NCK2: variants seen among roughly 807,000 people sequenced by gnomAD.
The protein encoded by NCK2 is NCK adaptor protein 2.
NCK2 carries 16 observed loss-of-function variants against 33.9 expected under a neutral mutation model. The observed-to-expected ratio is 0.47, with a 90% CI of 0.32 to 0.72. The LOEUF is 0.72. Among genes scored for constraint, NCK2 ranks in the 30% least tolerant of loss-of-function variants. The probability of loss-of-function intolerance (pLI) is 0.03; values close to 1 mark genes in which losing one functional copy is unlikely to be tolerated. For missense variants in NCK2, 418 were observed against 537.3 expected, an observed-to-expected ratio of 0.78 and a Z score of 2.19; for synonymous variants, 273 against 239.9, an observed-to-expected ratio of 1.14 and a Z score of -1.27.
chr2:105,788,848 G>C (rs1690774495), intron 1 of NCK2, among the ~76,000 whole-genome samples: 1 of 152,274 alleles, frequency 6.6e-6, no homozygotes, highest in South Asian at 2.1e-4. Flanking sequence ...TGTTAATTCT[G>C]TTGTGTTTTG....
chr2:105,866,339 A>G (rs1677759503), intron 3 of NCK2, among the ~76,000 whole-genome samples: 1 of 151,846 alleles, frequency 6.6e-6, no homozygotes, highest in Non-Finnish European at 1.5e-5. Context: ...TGTTAATATA[A>G]GTATATAATC....
At chr2:105,757,013 C>G (rs558672090) in intron 1 of NCK2, among the ~76,000 whole-genome samples, 2 of 152,176 alleles carry the variant, frequency 1.3e-5, no homozygotes, top group South Asian at 2.1e-4. Flanking sequence ...TCATGTTGGT[C>G]AGGTTGGTCT....
chr2:105,863,887 G>A (rs1039876971), intron 3 of NCK2, among the ~76,000 whole-genome samples: 1 of 152,088 alleles, frequency 6.6e-6, no homozygotes, highest in Non-Finnish European at 1.5e-5. Context: ...AACGGGATAC[G>A]TGACTGCTTG....
intron 2 of NCK2, among the ~76,000 whole-genome samples, chr2:105,853,582 T>C (rs1242765148): frequency 6.6e-6 from 1 of 152,164 alleles, no homozygotes; most frequent in South Asian, 2.1e-4. Flanking sequence ...TTTCTTACTG[T>C]CTCCATAGAT....
intron 1 of NCK2, among the ~76,000 whole-genome samples, chr2:105,780,153 A>C (rs1313973441): frequency 2.0e-5 from 3 of 152,212 alleles, no homozygotes; most frequent in African/African-American, 7.2e-5. Flanking sequence ...TCTGGTTGCA[A>C]GATTAATCAA....
At chr2:105,810,563 T>C (rs905532444) in intron 1 of NCK2, among the ~76,000 whole-genome samples, 2 of 152,222 alleles carry the variant, frequency 1.3e-5, no homozygotes, top group Non-Finnish European at 2.9e-5. Context: ...TGTGCATGCT[T>C]AATAAAATGC....
At chr2:105,745,467 G>A (rs944922737) in intron 1 of NCK2, among the ~76,000 whole-genome samples, 1 of 151,942 alleles carries the variant, frequency 6.6e-6, no homozygotes, top group Non-Finnish European at 1.5e-5. Flanking sequence ...CCCGGGGACT[G>A]GAGACCCCCG....
Position 105,784,822 on chromosome 2 carries a change from CAAAG to C in NCK2, c.-200-31606_-200-31603del, listed in dbSNP as rs371053834. Among the ~76,000 whole-genome samples the C allele has an allele frequency of 3.6e-4, 55 of 152,316 alleles. No individual in the cohort carries two copies. In the East Asian group the frequency reaches 0.011, roughly 29 times the overall value. ...CATTTCAACATTCTTAGAATATGCACAAAGAGTGTGTCCTCAGATACTGACAGAA... is the reference window on the plus strand; with the variant it reads ...CATTTCAACATTCTTAGAATATGCACAGTGTGTCCTCAGATACTGACAGAA... On this transcript the variant is annotated intron_variant, in intron 1 of 4. Coordinates refer to ENST00000233154, the MANE Select transcript of NCK2 (RefSeq NM_003581.5).
chr2:105,786,583 C>T (rs1558836481), intron 1 of NCK2, among the ~76,000 whole-genome samples: 2 of 152,166 alleles, frequency 1.3e-5, no homozygotes, highest in South Asian at 2.1e-4. Context: ...CGGCCTCGCG[C>T]GGTTATGAGA....
chr2:105,878,149 G>A (rs1460946842), intron 3 of NCK2, among the ~76,000 whole-genome samples: 1 of 152,200 alleles, frequency 6.6e-6, no homozygotes, highest in African/African-American at 2.4e-5. Context: ...CCCTCTTTTG[G>A]TAAAGTATTG....
chr2:105,823,196 G>A (rs555553124), intron 2 of NCK2, among the ~76,000 whole-genome samples: 2 of 151,116 alleles, frequency 1.3e-5, no homozygotes, highest in Admixed American at 6.6e-5. Context: ...GGTGTTGTAG[G>A]GCTTTTAGTA....
At chr2:105,803,851 G>C (rs1303692350) in intron 1 of NCK2, among the ~76,000 whole-genome samples, 1 of 152,166 alleles carries the variant, frequency 6.6e-6, no homozygotes, top group African/African-American at 2.4e-5. Context: ...GGTAGGGTCC[G>C]TTTGGAATGA....
At chr2:105,863,021 C>G (rs1005068863) in intron 3 of NCK2, among the ~76,000 whole-genome samples, 11 of 151,806 alleles carry the variant, frequency 7.2e-5, no homozygotes, top group Admixed American at 5.9e-4. Flanking sequence ...TACCAGATGT[C>G]AACGTGCCCA....
chr2:105,879,739 C>A (rs781203600), intron 3 of NCK2, among the ~76,000 whole-genome samples: 11 of 152,254 alleles, frequency 7.2e-5, no homozygotes, highest in Non-Finnish European at 1.0e-4. Context: ...CCATTGAGGA[C>A]AATCAGCCTT....
intron 2 of NCK2, among the ~76,000 whole-genome samples, chr2:105,835,409 G>GTATATATATGTGTA (rs1553458615): frequency 3.4e-5 from 2 of 59,318 alleles, no homozygotes; most frequent in African/African-American, 1.2e-4. Flanking sequence ...ATATATACGT[G>GTATATATATGTGTA]TATATATATA....
At chr2:105,776,275 C>A (rs554676829) in intron 1 of NCK2, among the ~76,000 whole-genome samples, 19 of 152,388 alleles carry the variant, frequency 1.2e-4, no homozygotes, top group Non-Finnish European at 1.5e-4. Flanking sequence ...CTGTAACACT[C>A]AGTTTCTTAC....
chr2:105,888,122 A>G (rs1457566171), intron 4 of NCK2, among the ~76,000 whole-genome samples: 2 of 152,194 alleles, frequency 1.3e-5, no homozygotes, highest in Non-Finnish European at 2.9e-5. Flanking sequence ...ATGATGATAG[A>G]GGCCCCGAGA....
chr2:105,793,153 A>C (rs142061682), intron 1 of NCK2, among the ~76,000 whole-genome samples: 3 of 152,220 alleles, frequency 2.0e-5, no homozygotes, highest in African/African-American at 7.2e-5. Flanking sequence ...GTGGGAAGCC[A>C]CAGATGTAGG....
upstream of NCK2, among the ~76,000 whole-genome samples, chr2:105,744,558 A>G (rs1293106220): frequency 6.6e-6 from 1 of 150,862 alleles, no homozygotes; most frequent in Admixed American, 6.6e-5. Flanking sequence ...CTCCCCACCC[A>G]CCTACCCTGC....
Sources: allele counts gnomAD v4.1 joint callset (sites outside exome capture counted in the v4.1 genomes callset), GRCh38; gene constraint gnomAD v4.1.1; transcripts MANE v1.5; gene names NCBI Gene and HGNC (gene_info 2026-07-23, HGNC 2026-07-21).